Variants in INTS3 observed in about 807,000 individuals in gnomAD.
INTS3 encodes integrator complex subunit 3.
A neutral mutation model predicts 146.3 loss-of-function variants in INTS3; 34 were observed. That is an observed-to-expected ratio of 0.23 (90% CI 0.18 to 0.31). The LOEUF is 0.31. Ranked by LOEUF, INTS3 falls within the 10% of genes least tolerant of loss-of-function variation. The probability of loss-of-function intolerance (pLI) is 1.00; values close to 1 mark genes in which losing one functional copy is unlikely to be tolerated. For missense variants in INTS3, 757 were observed against 1,304.2 expected, an observed-to-expected ratio of 0.58 and a Z score of 6.46; for synonymous variants, 475 against 494.9, an observed-to-expected ratio of 0.96 and a Z score of 0.53.
Position 153,774,709 on chromosome 1 carries a change from T to C in INTS3, c.*1439T>C, listed in dbSNP as rs1673073847. On this transcript the variant is annotated 3_prime_UTR_variant, in exon 30 of 30. Coordinates refer to ENST00000318967, the MANE Select transcript of INTS3 (RefSeq NM_023015.5). ...AGGTTCTCCCCTCCCTCATCACTGCTGTTGCTTCCTTTGAAAGTCTAAACC... is the reference window on the plus strand; with the variant it reads ...AGGTTCTCCCCTCCCTCATCACTGCCGTTGCTTCCTTTGAAAGTCTAAACC... 1 of 194,938 alleles carries C rather than the reference T, an allele frequency of 5.1e-6. No homozygotes were observed. Among genetic ancestry groups the C allele is most frequent in the Admixed American group, 5.4e-5 (1 of 18,654 alleles). The allele number at this position is 194,938 out of a possible 1,614,324, so 12.1% of individuals were successfully genotyped here.
chr1:153,760,034 A>G (rs1376630561), intron 11 of INTS3: 2 of 540,786 alleles, frequency 3.7e-6, no homozygotes, highest in East Asian at 3.0e-5. Flanking sequence ...TCCCAGAGCC[A>G]TTCATGTATA....
rs765359267 is a variant in INTS3 at position 153,748,744 on chromosome 1, G to A, written c.573G>A (p.Leu191=). The A allele has an allele frequency of 2.5e-6, 4 of 1,614,022 alleles. No individual in the cohort carries two copies. Among genetic ancestry groups the A allele is most frequent in the Admixed American group, 3.3e-5 (2 of 60,010 alleles). Residue 191 remains leucine, a synonymous_variant, in exon 6 of 30, where the codon CTG becomes CTA. Transcript: ENST00000318967. The part of the protein sequence containing the change: ...IWLAESVLDI[L]TEQREWVLKS... ...TGGCAGAAAGTGTTCTGGATATCCTGACAGAGCAAAGGTAGCATCCACCAC... is the reference window on the plus strand; with the variant it reads ...TGGCAGAAAGTGTTCTGGATATCCTAACAGAGCAAAGGTAGCATCCACCAC...
chr1:153,731,901 C>CTTTTTTTT (rs34353204), intron 1 of INTS3, among the ~76,000 whole-genome samples: 3 of 65,280 alleles, frequency 4.6e-5, no homozygotes, highest in Non-Finnish European at 7.7e-5. Context: ...CTTTTTTTAA[C>CTTTTTTTT]TTTTTTTTTT....
rs1167227425 is a variant in INTS3 at position 153,761,245 on chromosome 1, T to C, written c.1410-325T>C. ...AGAAGCTCTGGCCAGACACAGTGGCTCATGCCTGTAATCCCAGCACTTTGG... is the reference window on the plus strand; with the variant it reads ...AGAAGCTCTGGCCAGACACAGTGGCCCATGCCTGTAATCCCAGCACTTTGG... On this transcript the variant is annotated intron_variant, in intron 13 of 29. Coordinates refer to ENST00000318967, the MANE Select transcript of INTS3 (RefSeq NM_023015.5). 7.6e-6 allele frequency: 4 copies of C among 528,928 alleles called. No individual in the cohort carries two copies. In the East Asian group the frequency reaches 1.5e-4, roughly 20 times the overall value. 32.8% of individuals were successfully genotyped at this position (528,928 alleles called of 1,614,324 possible).
intron 14 of INTS3, 39 bp downstream of exon 14, chr1:153,761,715 G>T: frequency 6.9e-7 from 1 of 1,451,696 alleles, no homozygotes; most frequent in Non-Finnish European, 9.7e-7. Flanking sequence ...TGTCAAAAGA[G>T]GGGCAAGACA....
intron 3 of INTS3, among the ~76,000 whole-genome samples, chr1:153,746,501 C>G (rs1303674559): frequency 6.6e-6 from 1 of 152,168 alleles, no homozygotes; most frequent in Non-Finnish European, 1.5e-5. Context: ...CCCGGGCTCA[C>G]ACCATTCTCC....
intron 10 of INTS3, 66 bp from the exon 11 acceptor site, chr1:153,759,460 G>T: frequency 9.3e-7 from 1 of 1,071,262 alleles, no homozygotes; most frequent in Non-Finnish European, 1.5e-6. Flanking sequence ...AATCTGTCTT[G>T]GGACTCTGAA....
At position 153,772,382 on chromosome 1, in the gene INTS3, G is replaced by A. The variant is rs1672927732; in HGVS notation, c.2763G>A (p.Glu921=). Residue 921 remains glutamate, a synonymous_variant, in exon 27 of 30, where the codon GAG becomes GAA. Coordinates refer to ENST00000318967, the MANE Select transcript of INTS3 (RefSeq NM_023015.5). This position sits in a 1 kb window ranked among gnomAD's most constrained non-coding sequence, Gnocchi z 4.6. The stretch of plus-strand genomic sequence containing the variant: ...GCAAGCTGGCCCAGCTGACTCTGGA[G>A]CAGATCCTGGAGCACTTGGACAATC... ...SSSKLAQLTL[E]QILEHLDNLR... 2 of 1,614,028 alleles carry A rather than the reference G, an allele frequency of 1.2e-6. No individual in the cohort carries two copies. The highest frequency in any genetic ancestry group is 2.2e-5 in the East Asian group (1 of 44,876).
At chr1:153,771,755 C>A in intron 25 of INTS3, 41 bp from the exon 26 acceptor site, 1 of 1,576,350 alleles carries the variant, frequency 6.3e-7, no homozygotes. Context: ...TGCCCTGCGG[C>A]CACTGTGCAA....
In INTS3 at chr1:153,757,409, TCTC is replaced by T. The variant is rs1672201857; in HGVS notation, c.958-160_958-158del. Among the ~76,000 whole-genome samples the T allele has an allele frequency of 6.6e-6, 1 of 151,740 alleles. No individual in the cohort carries two copies. Among genetic ancestry groups the T allele is most frequent in the African/African-American group, 2.4e-5 (1 of 41,250 alleles). ...AGCATTTTTTTTTTAATCAAGAAGTTCTCCTAAAGGAGGGGAGACTTACGAGAC... is the reference window on the plus strand; with the variant it reads ...AGCATTTTTTTTTTAATCAAGAAGTTCTAAAGGAGGGGAGACTTACGAGAC... On this transcript the variant is annotated intron_variant, in intron 9 of 29. Transcript: ENST00000318967. This position sits in a 1 kb window ranked among gnomAD's most constrained non-coding sequence, Gnocchi z 4.0.
Position 153,757,140 on chromosome 1 carries a change from A to C in INTS3, c.958-432A>C, listed in dbSNP as rs1193990735. Reference sequence around the variant, plus strand: ...ATGGTCCTGCTAGGTCAGCACCAGGAAATTCTCAGTTGATGTTGAGTGGTG... The same window carrying C: ...ATGGTCCTGCTAGGTCAGCACCAGGCAATTCTCAGTTGATGTTGAGTGGTG... On this transcript the variant is annotated intron_variant, in intron 9 of 29. Transcript: ENST00000318967. This position sits in a 1 kb window ranked among gnomAD's most constrained non-coding sequence, Gnocchi z 4.0. Among the ~76,000 whole-genome samples the C allele has an allele frequency of 2.6e-5, 4 of 152,234 alleles. No homozygotes were observed. The highest frequency in any genetic ancestry group is 1.3e-4 in the Admixed American group (2 of 15,280).
chr1:153,767,528 G>T, intron 20 of INTS3, 146 bp from the exon 21 acceptor site: 1 of 687,074 alleles, frequency 1.5e-6, no homozygotes, highest in South Asian at 2.4e-5. Context: ...AAGCCCCTGT[G>T]GGAGGCAGTT....
chr1:153,773,567 C>G lies in INTS3; in HGVS notation c.*297C>G. 2.0e-6 allele frequency: 1 copy of G among 500,952 alleles called. No individual in the cohort carries two copies. Among genetic ancestry groups the G allele is most frequent in the South Asian group, 3.3e-5 (1 of 30,256 alleles). The allele number at this position is 500,952 out of a possible 1,614,324, so 31.0% of individuals were successfully genotyped here. On this transcript the variant is annotated 3_prime_UTR_variant, in exon 30 of 30. Transcript: ENST00000318967. Reference sequence around the variant, plus strand: ...AGACCATAGTGGAAGTCCTCAGCCCCCTGGCCCCTTCCGCAATCTCCTCCC... The same window carrying G: ...AGACCATAGTGGAAGTCCTCAGCCCGCTGGCCCCTTCCGCAATCTCCTCCC...
intron 7 of INTS3, chr1:153,751,954 G>C (rs1300802480): frequency 6.3e-6 from 2 of 316,886 alleles, no homozygotes; most frequent in Admixed American, 5.4e-5. Flanking sequence ...GGCTCAACTT[G>C]CCAGTCCCAT....
Position 153,770,268 on chromosome 1 carries a change from C to T in INTS3, c.2460C>T (p.Pro820=), listed in dbSNP as rs867732500. 1.2e-6 allele frequency: 2 copies of T among 1,613,492 alleles called. No individual in the cohort carries two copies. The highest frequency in any genetic ancestry group is 1.7e-6 in the Non-Finnish European group (2 of 1,179,530). ...AWQLFLAHNI[P]LETIIPILQH... ...AGCTCTTTCTGGCCCACAATATTCC[C>T]CTGGAGACCATAATCCCCATCCTGC... is the stretch of plus-strand genomic sequence containing the variant. The change falls in exon 24 of 30, where the codon CCC becomes CCT. Residue 820 remains proline (P), a synonymous_variant. Coordinates refer to ENST00000318967, the MANE Select transcript of INTS3 (RefSeq NM_023015.5).
Position 153,728,432 on chromosome 1 carries a change from A to G in INTS3, c.-203A>G, listed in dbSNP as rs1670940536. 1.8e-6 allele frequency: 1 copy of G among 560,800 alleles called. No individual in the cohort carries two copies. 34.7% of individuals were successfully genotyped at this position (560,800 alleles called of 1,614,324 possible). ...CCCTCAGCACTGCCACCCCAGAGTC[A>G]GGACCCAGAGGACTGTGCCTTCGCC... On this transcript the variant is annotated 5_prime_UTR_variant, in exon 1 of 30. Transcript: ENST00000318967.
At chr1:153,767,543 G>A in intron 20 of INTS3, 131 bp from the exon 21 acceptor site, 1 of 837,864 alleles carries the variant, frequency 1.2e-6, no homozygotes, top group South Asian at 2.2e-5. Flanking sequence ...GCAGTTGGGA[G>A]GGACATGAGG....
In INTS3 at chr1:153,747,074, A is replaced by G; in HGVS notation, c.432+4A>G. 6.3e-7 allele frequency: 1 copy of G among 1,579,940 alleles called. No homozygotes were observed. Among genetic ancestry groups the G allele is most frequent in the Non-Finnish European group, 8.7e-7 (1 of 1,149,312 alleles). ...GCAGGATACCTGCCGTACTCAGGTA[A>G]GGCCAGAAAGAAAAGACAAGATCCA... On this transcript the variant is annotated splice_donor_region_variant and intron_variant, in intron 4 of 29. Transcript: ENST00000318967.
In INTS3 at chr1:153,757,781, T is replaced by A. The variant is rs1490971173; in HGVS notation, c.1149+18T>A. 1 of 1,608,248 alleles carries A rather than the reference T, an allele frequency of 6.2e-7. No individual in the cohort carries two copies. Among genetic ancestry groups the A allele is most frequent in the East Asian group, 2.2e-5 (1 of 44,838 alleles). On this transcript the variant is annotated intron_variant, in intron 10 of 29. Coordinates refer to ENST00000318967, the MANE Select transcript of INTS3 (RefSeq NM_023015.5). The surrounding 1 kb of genome is among the most constrained non-coding windows in gnomAD (Gnocchi z 4.0). ...CGTGCACGGTGAGGGCAAAAGATAC[T>A]GGGTGGTGAAGGGTGCCTCTTCCAT...
Sources: allele counts gnomAD v4.1 joint callset (sites outside exome capture counted in the v4.1 genomes callset), GRCh38; gene constraint gnomAD v4.1.1; non-coding constraint Gnocchi (gnomAD v3.1); transcripts MANE v1.5; gene names NCBI Gene and HGNC (gene_info 2026-07-23, HGNC 2026-07-21).